Variants in CDH18 observed in about 807,000 individuals in gnomAD.
The protein encoded by CDH18 is cadherin 18, also known as cadherin-18.
In CDH18, 31 loss-of-function variants were observed where a neutral mutation model predicts 67.9. The observed-to-expected ratio is 0.46, with a 90% CI of 0.34 to 0.62. The LOEUF (loss-of-function observed/expected upper bound fraction) is 0.62, where lower values mean the gene tolerates loss of function less well. CDH18 is among the 20% of genes least tolerant of loss of function. The probability of loss-of-function intolerance (pLI) is 0.01; values close to 1 mark genes in which losing one functional copy is unlikely to be tolerated. For missense variants in CDH18, 890 were observed against 975.5 expected (o/e 0.91, Z 1.17); for synonymous variants, 362 against 347.2 (o/e 1.04, Z -0.48).
intron 2 of CDH18, among the ~76,000 whole-genome samples, chr5:19,853,226 G>A (rs147811791): frequency 6.6e-5 from 10 of 152,160 alleles, no homozygotes; most frequent in African/African-American, 1.9e-4. Context: ...CTTGCAGATG[G>A]CCACTTGTTC....
intron 2 of CDH18, among the ~76,000 whole-genome samples, chr5:19,870,610 G>A (rs982670647): frequency 1.2e-4 from 19 of 152,218 alleles, no homozygotes; most frequent in African/African-American, 4.3e-4. Context: ...CCCTGAGCAA[G>A]TTTATGTTTT....
intron 1 of CDH18, among the ~76,000 whole-genome samples, chr5:20,308,562 G>T (rs1015213286): frequency 1.3e-5 from 2 of 151,474 alleles, no homozygotes; most frequent in African/African-American, 4.8e-5. Context: ...AAAATTCTGT[G>T]TGAAAACAAA....
At chr5:20,130,514 A>T (rs985490046) in intron 2 of CDH18, among the ~76,000 whole-genome samples, 1 of 151,922 alleles carries the variant, frequency 6.6e-6, no homozygotes, top group Admixed American at 6.6e-5. Context: ...TCATCTAAAA[A>T]TTACCATCAT....
At chr5:20,482,274 A>C (rs1355216179) in intron 1 of CDH18, among the ~76,000 whole-genome samples, 1 of 152,070 alleles carries the variant, frequency 6.6e-6, no homozygotes, top group African/African-American at 2.4e-5. Context: ...TTAACAAGTA[A>C]TGAGATTAAA....
intron 5 of CDH18, among the ~76,000 whole-genome samples, chr5:19,624,770 C>G (rs1024713077): frequency 1.3e-5 from 2 of 152,192 alleles, no homozygotes; most frequent in African/African-American, 4.8e-5. Context: ...GTCTACCAGA[C>G]AGCAAACCTG....
intron 3 of CDH18, among the ~76,000 whole-genome samples, chr5:19,757,845 C>T (rs1296774021): frequency 6.6e-6 from 1 of 152,216 alleles, no homozygotes; most frequent in Non-Finnish European, 1.5e-5. Context: ...ACCACGTGCA[C>T]TGTTTGAAGT....
chr5:19,813,310 C>A (rs1056616076), intron 3 of CDH18, among the ~76,000 whole-genome samples: 1 of 151,558 alleles, frequency 6.6e-6, no homozygotes, highest in African/African-American at 2.4e-5. Flanking sequence ...ACAATAGGCA[C>A]AATGGAATAA....
intron 5 of CDH18, among the ~76,000 whole-genome samples, chr5:19,628,044 G>C (rs915439945): frequency 2.0e-5 from 3 of 152,146 alleles, no homozygotes; most frequent in African/African-American, 7.2e-5. Flanking sequence ...ATTTTGAACT[G>C]TAGCTCCCAT....
At chr5:19,699,885 A>C (rs543657685) in intron 5 of CDH18, among the ~76,000 whole-genome samples, 2 of 152,228 alleles carry the variant, frequency 1.3e-5, no homozygotes, top group East Asian at 3.9e-4. Flanking sequence ...TATTAGGTAC[A>C]GTGTACGCTA....
intron 1 of CDH18, among the ~76,000 whole-genome samples, chr5:20,445,907 C>T (rs550324570): frequency 5.3e-5 from 8 of 152,010 alleles, no homozygotes; most frequent in South Asian, 2.1e-4. Context: ...CTGATTTCTG[C>T]GAAGTGAAAT....
chr5:19,554,534 G>A lies in CDH18; in HGVS notation c.1254-10529C>T, dbSNP rs181507023. On this transcript the variant is annotated intron_variant, in intron 8 of 12. Transcript: ENST00000382275. ...CACTGCAGTCCAGGCTGGGCAAGAA[G>A]AGCATAACTTCATCTCAAAAAAAAA... Among the ~76,000 whole-genome samples the A allele has an allele frequency of 1.8e-3, 279 of 151,024 alleles. 1 individual carries two copies. In the Middle Eastern group the frequency reaches 0.024, roughly 13 times the overall value.
intron 1 of CDH18, among the ~76,000 whole-genome samples, chr5:20,497,448 T>C (rs1753978460): frequency 6.6e-6 from 1 of 152,140 alleles, no homozygotes; most frequent in Non-Finnish European, 1.5e-5. Context: ...GTTACAATTG[T>C]TTACAGTATT....
At chr5:19,902,997 T>G (rs781587129) in intron 2 of CDH18, among the ~76,000 whole-genome samples, 8 of 152,020 alleles carry the variant, frequency 5.3e-5, no homozygotes, top group East Asian at 1.9e-4. Context: ...TTTTAAAACT[T>G]TGTTAAAATA....
At chr5:20,206,977 C>T (rs988947478) in intron 2 of CDH18, among the ~76,000 whole-genome samples, 11 of 151,810 alleles carry the variant, frequency 7.2e-5, no homozygotes, top group African/African-American at 9.7e-5. Context: ...CAATGTAATA[C>T]TGGAATTCCC....
intron 1 of CDH18, among the ~76,000 whole-genome samples, chr5:20,519,942 C>CTTTTTTTTTTTGTTTTTTTT (rs1755630482): frequency 2.4e-5 from 1 of 41,674 alleles, no homozygotes; most frequent in African/African-American, 8.9e-5. Flanking sequence ...ACAGTCTTGG[C>CTTTTTTTTTTTGTTTTTTTT]TTTTTTTTTT....
At chr5:20,538,290 A>G (rs1756842202) in intron 1 of CDH18, among the ~76,000 whole-genome samples, 1 of 152,192 alleles carries the variant, frequency 6.6e-6, no homozygotes, top group African/African-American at 2.4e-5. Flanking sequence ...TCCTAATTAA[A>G]TTGATCAAAG....
chr5:19,528,619 G>A (rs757568463), intron 9 of CDH18, among the ~76,000 whole-genome samples: 1 of 151,788 alleles, frequency 6.6e-6, no homozygotes, highest in Non-Finnish European at 1.5e-5. Context: ...TTGCTGTTCG[G>A]GGTTAACACC....
intron 3 of CDH18, among the ~76,000 whole-genome samples, chr5:19,822,527 T>G (rs371550242): frequency 6.6e-6 from 1 of 152,062 alleles, no homozygotes; most frequent in South Asian, 2.1e-4. Context: ...AGAGAGAAAT[T>G]TTAAAGCTGG....
chr5:19,990,501 T>C (rs1579971339), upstream of CDH18, among the ~76,000 whole-genome samples: 1 of 152,192 alleles, frequency 6.6e-6, no homozygotes, highest in East Asian at 1.9e-4. Context: ...TGCAACGACA[T>C]GCAGAGGGAA....
Sources: gnomAD v4.1 joint callset for allele counts (sites outside exome capture counted in the v4.1 genomes callset) on GRCh38, gnomAD v4.1.1 for gene constraint, MANE v1.5 for transcripts, NCBI Gene and HGNC (gene_info 2026-07-23, HGNC 2026-07-21) for gene names.